The following FARP1 variants were observed in gnomAD, a reference collection of about 807,000 sequenced individuals.
FARP1 encodes the protein FERM, ARHGEF and pleckstrin domain-containing protein 1.
A neutral mutation model predicts 128.8 loss-of-function variants in FARP1; 52 were observed. The ratio of observed to expected loss-of-function variants is 0.40; its 90% CI spans 0.32 to 0.51. FARP1 has a LOEUF of 0.51. Among genes scored for constraint, FARP1 ranks in the 20% least tolerant of loss-of-function variants. The pLI is 0.45. For missense variants in FARP1, 1,333 were observed against 1,367.9 expected, an observed-to-expected ratio of 0.97 and a Z score of 0.40; for synonymous variants, 580 against 551.8, an observed-to-expected ratio of 1.05 and a Z score of -0.72.
chr13:98,264,354 G>A (rs936723460), intron 2 of FARP1, among the ~76,000 whole-genome samples: 1 of 152,202 alleles, frequency 6.6e-6, no homozygotes, highest in Non-Finnish European at 1.5e-5. Flanking sequence ...GCCATTCTGA[G>A]CAGCGTGATG....
intron 2 of FARP1, among the ~76,000 whole-genome samples, chr13:98,290,054 CTTTTT>C (rs57453120): frequency 7.3e-6 from 1 of 136,248 alleles, no homozygotes; most frequent in Admixed American, 7.4e-5. Flanking sequence ...GGAGATTTAT[CTTTTT>C]TTTTTTTTTT....
At position 98,144,202 on chromosome 13, in the gene FARP1, C is replaced by CTG. The variant is rs368648027; in HGVS notation, c.-24+734_-24+735dup. Among the ~76,000 whole-genome samples the CTG allele has an allele frequency of 4.6e-3, 673 of 146,398 alleles. 4 individuals are homozygous for CTG. Among genetic ancestry groups the CTG allele is most frequent in the African/African-American group, 0.018 (642 of 36,500 alleles). On this transcript the variant is annotated intron_variant, in intron 1 of 26. Transcript: ENST00000319562. ...GTGATCCGGCTGGACCCCGGAGACT[C>CTG]TGTGTGTGTGTGTGTGTGTGTGTGT...
chr13:98,308,886 C>T (rs1886312699), intron 2 of FARP1, among the ~76,000 whole-genome samples: 1 of 152,042 alleles, frequency 6.6e-6, no homozygotes, highest in Non-Finnish European at 1.5e-5. Flanking sequence ...CCACGTTGCC[C>T]AGGCTGGTCT....
intron 17 of FARP1, among the ~76,000 whole-genome samples, chr13:98,425,840 G>A (rs1410077119): frequency 6.6e-6 from 1 of 151,642 alleles, no homozygotes; most frequent in African/African-American, 2.4e-5. Flanking sequence ...TCCTTTTTTT[G>A]TTTTCATTTG....
chr13:98,422,903 A>G (rs1314930354), intron 16 of FARP1, among the ~76,000 whole-genome samples: 1 of 152,108 alleles, frequency 6.6e-6, no homozygotes, highest in Admixed American at 6.5e-5. Context: ...AGCTAATAGG[A>G]TAGATGTATA....
chr13:98,288,238 A>G (rs1165034125), intron 2 of FARP1, among the ~76,000 whole-genome samples: 4 of 152,150 alleles, frequency 2.6e-5, no homozygotes, highest in Non-Finnish European at 5.9e-5. Flanking sequence ...GAGGGATGGT[A>G]TAGGTTTGCT....
intron 3 of FARP1, among the ~76,000 whole-genome samples, chr13:98,351,338 C>T (rs1211264116): frequency 5.3e-5 from 8 of 152,234 alleles, no homozygotes; most frequent in African/African-American, 9.6e-5. Context: ...TTTGGCCGGG[C>T]GCGGTGGCTC....
intron 3 of FARP1, among the ~76,000 whole-genome samples, chr13:98,360,759 T>G (rs1296887790): frequency 6.6e-6 from 1 of 152,162 alleles, no homozygotes; most frequent in African/African-American, 2.4e-5. Flanking sequence ...GCAATGAGAT[T>G]TCTCTAGAGG....
At chr13:98,212,679 T>C (rs1880805888) in intron 1 of FARP1, among the ~76,000 whole-genome samples, 1 of 152,140 alleles carries the variant, frequency 6.6e-6, no homozygotes, top group South Asian at 2.1e-4. Flanking sequence ...AAATAGACAC[T>C]AGAAACCAAG....
At chr13:98,334,967 A>G (rs186279386) in intron 2 of FARP1, among the ~76,000 whole-genome samples, 2 of 152,348 alleles carry the variant, frequency 1.3e-5, no homozygotes, top group African/African-American at 4.8e-5. Context: ...CCACCTGAGC[A>G]TACTAAGTCA....
chr13:98,281,872 G>A (rs1316609422), intron 2 of FARP1, among the ~76,000 whole-genome samples: 5 of 152,180 alleles, frequency 3.3e-5, no homozygotes, highest in Non-Finnish European at 7.3e-5. Flanking sequence ...TGGAGGGCAC[G>A]CATCTTACTG....
chr13:98,240,686 G>T (rs1882716236), intron 2 of FARP1, among the ~76,000 whole-genome samples: 1 of 152,258 alleles, frequency 6.6e-6, no homozygotes, highest in African/African-American at 2.4e-5. Context: ...CATCTCACTG[G>T]TCGGGAGAGG....
In FARP1 at chr13:98,176,266, T is replaced by C. The variant is rs1566700562; in HGVS notation, c.-24+32774T>C. On this transcript the variant is annotated intron_variant, in intron 1 of 26. Transcript: ENST00000319562. This position sits in a 1 kb window ranked among gnomAD's most constrained non-coding sequence, Gnocchi z 6.2. ...ACACTCATGGGGGTCTTCTGTGAAA[T>C]GGGACTTGCCCCCACCTTCTGCAGC... The C allele has an allele frequency of 1.2e-6, 2 of 1,611,314 alleles. No individual in the cohort carries two copies. The highest frequency in any genetic ancestry group is 1.7e-6 in the Non-Finnish European group (2 of 1,178,192).
At chr13:98,184,370 C>T (rs1439104001) in intron 1 of FARP1, among the ~76,000 whole-genome samples, 1 of 152,156 alleles carries the variant, frequency 6.6e-6, no homozygotes, top group African/African-American at 2.4e-5. Flanking sequence ...CACCTGCCTC[C>T]CAAAGTGCTG....
intron 2 of FARP1, chr13:98,329,038 C>T (rs1594408396): frequency 6.6e-6 from 1 of 152,206 alleles, no homozygotes; most frequent in Non-Finnish European, 1.5e-5. Flanking sequence ...CTCAACACAT[C>T]GATGGAGTCA....
At chr13:98,276,054 C>T (rs935141465) in intron 2 of FARP1, among the ~76,000 whole-genome samples, 1 of 152,130 alleles carries the variant, frequency 6.6e-6, no homozygotes, top group African/African-American at 2.4e-5. Flanking sequence ...AGATGGAATT[C>T]TGCCTTGTTT....
chr13:98,207,777 G>A (rs955667574), intron 1 of FARP1, among the ~76,000 whole-genome samples: 1 of 152,038 alleles, frequency 6.6e-6, no homozygotes, highest in African/African-American at 2.4e-5. Flanking sequence ...TCTGGAGATT[G>A]CATTTATTTT....
chr13:98,317,110 C>A (rs1383036857), intron 2 of FARP1, among the ~76,000 whole-genome samples: 1 of 152,224 alleles, frequency 6.6e-6, no homozygotes, highest in Non-Finnish European at 1.5e-5. Flanking sequence ...CCAGCTGCCA[C>A]TCCCTATTTC....
At chr13:98,366,551 G>T (rs770731095) in intron 4 of FARP1, among the ~76,000 whole-genome samples, 25 of 152,334 alleles carry the variant, frequency 1.6e-4, no homozygotes, top group Non-Finnish European at 3.5e-4. Context: ...GTATATCTTT[G>T]GCGCAGACCT....
Sources: gnomAD v4.1 joint callset for allele counts (sites outside exome capture counted in the v4.1 genomes callset) on GRCh38, gnomAD v4.1.1 for gene constraint, Gnocchi (gnomAD v3.1) non-coding constraint, MANE v1.5 for transcripts, NCBI Gene and HGNC (gene_info 2026-07-23, HGNC 2026-07-21) for gene names.